Variants in COLEC11 observed in about 807,000 individuals in gnomAD.
COLEC11 encodes the protein collectin subfamily member 11, also known as collectin-11.
In COLEC11, 20 loss-of-function variants were observed where a neutral mutation model predicts 27.3. The ratio of observed to expected loss-of-function variants is 0.73; its 90% confidence interval spans 0.51 to 1.06. The LOEUF (loss-of-function observed/expected upper bound fraction) is 1.06, where lower values mean the gene tolerates loss of function less well. Among genes scored for constraint, COLEC11 ranks in the 50% least tolerant of loss-of-function variants. The probability of loss-of-function intolerance (pLI) is 0.00; values close to 1 mark genes in which losing one functional copy is unlikely to be tolerated. For missense variants in COLEC11, 310 were observed against 383.0 expected, an observed-to-expected ratio of 0.81 and a Z score of 1.59; for synonymous variants, 163 against 154.7, an observed-to-expected ratio of 1.05 and a Z score of -0.40.
Position 3,644,272 on chromosome 2 carries a change from C to G in COLEC11, c.*154C>G, listed in dbSNP as rs959650840. On this transcript the variant is annotated 3_prime_UTR_variant, in exon 7 of 7. Transcript: ENST00000349077. Reference sequence around the variant, plus strand: ...GCTGTTGTCTAAACTGAGAAAATGGCCTATGCTTAAGAGGAAAATGAAAGT... The same window carrying G: ...GCTGTTGTCTAAACTGAGAAAATGGGCTATGCTTAAGAGGAAAATGAAAGT... The G allele has an allele frequency of 3.2e-6, 3 of 950,636 alleles. No homozygotes were observed. In the East Asian group the frequency reaches 7.7e-5, roughly 25 times the overall value. The allele number at this position is 950,636 out of a possible 1,614,324, so 58.9% of individuals were successfully genotyped here.
At chr2:3,611,652 G>C (rs1301378766) in intron 2 of COLEC11, among the ~76,000 whole-genome samples, 2 of 151,940 alleles carry the variant, frequency 1.3e-5, no homozygotes, top group South Asian at 2.1e-4. Context: ...GTCAGCCCAG[G>C]GGCAGCCCAC....
rs747333394 is a variant in COLEC11, at chr2:3,643,820, G to T, written c.518G>T (p.Arg173Leu). The change falls in exon 7 of 7, where the codon CGC (arginine) becomes CTC (leucine). Residue 173 changes from arginine (R) to leucine (L), a missense_variant. By Grantham distance (102) the Arg-to-Leu change is moderately radical. Coordinates refer to ENST00000349077, the MANE Select transcript of COLEC11 (RefSeq NM_024027.5). The stretch of plus-strand genomic sequence containing the variant: ...GACGCCCAGCTGTCCTGCCAGGGCC[G>T]CGGGGGCACGCTGAGCATGCCCAAG... ...YADAQLSCQG[R>L]GGTLSMPKDE... 2 of 1,613,490 alleles carry T rather than the reference G, an allele frequency of 1.2e-6. No homozygotes were observed. The highest frequency in any genetic ancestry group is 1.7e-6 in the Non-Finnish European group (2 of 1,179,962).
chr2:3,633,776 C>T (rs961029421), intron 3 of COLEC11, among the ~76,000 whole-genome samples: 1 of 151,928 alleles, frequency 6.6e-6, no homozygotes, highest in Non-Finnish European at 1.5e-5. Flanking sequence ...GGACAGAAGG[C>T]CCGAGGAAGA....
In COLEC11 at chr2:3,628,837, G is replaced by A. The variant is rs910851694; in HGVS notation, c.203-8696G>A. 5.9e-5 allele frequency among the ~76,000 whole-genome samples: 9 copies of A among 152,336 alleles called. 1 individual carries two copies. In the East Asian group the frequency reaches 9.6e-4, roughly 16 times the overall value. ...TTTGAGCTGCCCTCAATCCTCATGC[G>A]TGTCCAGAGGACAGATGGGAGGCGC... On this transcript the variant is annotated intron_variant, in intron 3 of 6. Transcript: ENST00000349077.
intron 2 of COLEC11, among the ~76,000 whole-genome samples, chr2:3,609,352 A>ATTTTTTTTTTTTTTTTTTTT (rs567474674): frequency 1.1e-5 from 1 of 87,510 alleles, no homozygotes; most frequent in African/African-American, 5.9e-5. Context: ...TTTTTCTTTG[A>ATTTTTTTTTTTTTTTTTTTT]TTTTTTTTTT....
At chr2:3,621,785 A>G (rs1467685465) in intron 3 of COLEC11, among the ~76,000 whole-genome samples, 1 of 152,226 alleles carries the variant, frequency 6.6e-6, no homozygotes, top group Non-Finnish European at 1.5e-5. Flanking sequence ...ACTAATAACA[A>G]CTTAACTTTG....
At chr2:3,612,325 G>A (rs1264392673) in intron 2 of COLEC11, among the ~76,000 whole-genome samples, 1 of 152,146 alleles carries the variant, frequency 6.6e-6, no homozygotes, top group Non-Finnish European at 1.5e-5. Context: ...TAGTGCAACA[G>A]GTAAGAAATA....
At chr2:3,626,116 T>A in intron 3 of COLEC11, 1 of 1,594,454 alleles carries the variant, frequency 6.3e-7, no homozygotes, top group Non-Finnish European at 8.6e-7. Flanking sequence ...AAATCCCACC[T>A]TCACACTTAA....
chr2:3,628,395 T>C (rs369856663), intron 3 of COLEC11, among the ~76,000 whole-genome samples: 1 of 152,366 alleles, frequency 6.6e-6, no homozygotes, highest in South Asian at 2.1e-4. Flanking sequence ...ATGCAGCTGC[T>C]GGCCCAGGAG....
chr2:3,640,607 C>T (rs1421523102), intron 5 of COLEC11, among the ~76,000 whole-genome samples: 10 of 84,472 alleles, frequency 1.2e-4, no homozygotes, highest in Admixed American at 1.1e-3. Flanking sequence ...ACAGTGGACA[C>T]CCACCCCCGT....
At chr2:3,619,416 T>C (rs1031682652) in intron 3 of COLEC11, among the ~76,000 whole-genome samples, 2 of 152,210 alleles carry the variant, frequency 1.3e-5, no homozygotes, top group African/African-American at 4.8e-5. Context: ...TTCTCATACA[T>C]GGCCTTTATT....
chr2:3,640,467 C>T, intron 5 of COLEC11, 136 bp downstream of exon 5: 2 of 670,040 alleles, frequency 3.0e-6, no homozygotes, highest in South Asian at 1.6e-5. Flanking sequence ...ACACCCACCC[C>T]CGTCACATCC....
chr2:3,643,045 C>T (rs533199159), intron 5 of COLEC11, among the ~76,000 whole-genome samples: 2 of 152,376 alleles, frequency 1.3e-5, no homozygotes, highest in South Asian at 2.1e-4. Flanking sequence ...TTCAGCTCCC[C>T]TCAGCCCTGC....
chr2:3,613,690 C>T (rs867576399), intron 3 of COLEC11, among the ~76,000 whole-genome samples: 22 of 152,250 alleles, frequency 1.4e-4, no homozygotes, highest in African/African-American at 4.1e-4. Flanking sequence ...CATTTGTGAG[C>T]GCTAAGTGAA....
intron 1 of COLEC11, chr2:3,604,097 C>A (rs1572388430): frequency 1.6e-6 from 1 of 610,068 alleles, no homozygotes; most frequent in Non-Finnish European, 2.9e-6. Flanking sequence ...GGCTGGCATG[C>A]ACTTGGTGCC....
chr2:3,608,683 A>G (rs1662929110), intron 2 of COLEC11, among the ~76,000 whole-genome samples: 1 of 152,202 alleles, frequency 6.6e-6, no homozygotes, highest in Admixed American at 6.5e-5. Flanking sequence ...AAAACAAAAC[A>G]AAACAAAAAA....
chr2:3,607,297 A>C (rs1275576147), intron 2 of COLEC11, among the ~76,000 whole-genome samples: 1 of 152,162 alleles, frequency 6.6e-6, no homozygotes, highest in Non-Finnish European at 1.5e-5. Flanking sequence ...AGAGAATGAC[A>C]ACTCCTTTTA....
At chr2:3,622,559 T>C (rs1664260848) in intron 3 of COLEC11, among the ~76,000 whole-genome samples, 2 of 152,368 alleles carry the variant, frequency 1.3e-5, no homozygotes, top group South Asian at 4.1e-4. Context: ...AGGAGGTGAC[T>C]GGATCATGAG....
intron 3 of COLEC11, chr2:3,617,472 C>G (rs1226496698): frequency 1.5e-6 from 2 of 1,359,404 alleles, no homozygotes; most frequent in Non-Finnish European, 2.1e-6. Context: ...TCTTACAAAG[C>G]TAAACAGCTA....
Sources: gnomAD v4.1 joint callset for allele counts (sites outside exome capture counted in the v4.1 genomes callset) on GRCh38, gnomAD v4.1.1 for gene constraint, MANE v1.5 for transcripts, NCBI Gene and HGNC (gene_info 2026-07-23, HGNC 2026-07-21) for gene names.